The following KCNH8 variants were observed in gnomAD, a reference collection of about 807,000 sequenced individuals.
The protein encoded by KCNH8 is voltage-gated delayed rectifier potassium channel KCNH8.
A neutral mutation model predicts 103.6 loss-of-function variants in KCNH8; 70 were observed. The observed-to-expected ratio is 0.68, with a 90% CI of 0.56 to 0.82. The LOEUF is 0.82. Ranked by LOEUF, KCNH8 falls within the 40% of genes least tolerant of loss-of-function variation. The pLI, the probability that KCNH8 is intolerant of heterozygous loss-of-function variation, is 0.00. For missense variants in KCNH8, 1,217 were observed against 1,329.9 expected, an observed-to-expected ratio of 0.92 and a Z score of 1.32; for synonymous variants, 498 against 489.4, an observed-to-expected ratio of 1.02 and a Z score of -0.23.
At chr3:19,437,282 A>G (rs985135799) in intron 7 of KCNH8, among the ~76,000 whole-genome samples, 1 of 152,134 alleles carries the variant, frequency 6.6e-6, no homozygotes, top group Non-Finnish European at 1.5e-5. Context: ...TAAGGGACAA[A>G]TATTTTCAAT....
intron 1 of KCNH8, among the ~76,000 whole-genome samples, chr3:19,160,437 C>A (rs1163380378): frequency 6.6e-6 from 1 of 152,010 alleles, no homozygotes; most frequent in Non-Finnish European, 1.5e-5. Flanking sequence ...ATGTAACCAC[C>A]ACCACAGTCA....
intron 1 of KCNH8, among the ~76,000 whole-genome samples, chr3:19,207,467 A>T (rs909864358): frequency 1.3e-5 from 2 of 151,974 alleles, no homozygotes; most frequent in Non-Finnish European, 2.9e-5. Flanking sequence ...TCTTTTAAGA[A>T]AATAAAGTGG....
At chr3:19,366,148 T>C (rs1216310825) in intron 5 of KCNH8, among the ~76,000 whole-genome samples, 1 of 152,092 alleles carries the variant, frequency 6.6e-6, no homozygotes. Context: ...TGAAATATTA[T>C]AGGTTGTATG....
intron 1 of KCNH8, among the ~76,000 whole-genome samples, chr3:19,217,150 G>C (rs1239598779): frequency 6.6e-6 from 1 of 152,170 alleles, no homozygotes; most frequent in Non-Finnish European, 1.5e-5. Flanking sequence ...TGGGTACACT[G>C]ATCATCACTG....
chr3:19,422,248 A>G (rs1559320401), intron 7 of KCNH8, among the ~76,000 whole-genome samples: 1 of 152,100 alleles, frequency 6.6e-6, no homozygotes, highest in Admixed American at 6.5e-5. Flanking sequence ...TAACATTTGA[A>G]TTTCCCAACT....
chr3:19,500,363 A>G (rs2125232612), intron 11 of KCNH8, among the ~76,000 whole-genome samples: 1 of 152,306 alleles, frequency 6.6e-6, no homozygotes, highest in East Asian at 1.9e-4. Context: ...CACTGTCAAC[A>G]TTAGACAGAT....
At chr3:19,223,312 A>T (rs559972834) in intron 1 of KCNH8, among the ~76,000 whole-genome samples, 1 of 152,286 alleles carries the variant, frequency 6.6e-6, no homozygotes, top group Non-Finnish European at 1.5e-5. Context: ...TCTCTCCTTT[A>T]TGAAGTAAGT....
intron 1 of KCNH8, among the ~76,000 whole-genome samples, chr3:19,253,180 C>T (rs1266465022): frequency 2.0e-5 from 3 of 152,234 alleles, no homozygotes; most frequent in African/African-American, 4.8e-5. Context: ...CAATTTACTA[C>T]TTGCTTTCTT....
chr3:19,533,609 C>G lies in KCNH8; in HGVS notation c.2834C>G (p.Thr945Ser). 3 of 1,614,162 alleles carry G rather than the reference C, an allele frequency of 1.9e-6. No homozygotes were observed. The highest frequency in any genetic ancestry group is 2.5e-6 in the Non-Finnish European group (3 of 1,180,018). The change falls in exon 16 of 16, where the codon ACC (threonine) becomes AGC (serine). Residue 945 changes from threonine to serine, a missense_variant. By Grantham distance (58) the Thr-to-Ser change is moderately conservative. Around this residue, in one of 3 missense-constraint regions of KCNH8, gnomAD observed 558 missense variants for 495.8 expected, o/e 1.13. Transcript: ENST00000328405. ...TTGCAAACAGGCGGGGCTGCTTATA[C>G]CCAAGCACAACTTTGTAGCAGTAAT... ...LHLQTGGAAY[T>S]QAQLCSSNIT...
At position 19,535,368 on chromosome 3, in the gene KCNH8, C is replaced by T. The variant is rs2069247126; in HGVS notation, c.*1269C>T. 6.6e-6 allele frequency: 1 copy of T among 152,188 alleles called. No homozygotes were observed. The highest frequency in any genetic ancestry group is 2.4e-5 in the African/African-American group (1 of 41,444). The allele number at this position is 152,188 out of a possible 1,614,324, so 9.4% of individuals were successfully genotyped here. ...TTCCATTCCTATTTTTAATAAATCTCAGGGGAAGCCTCAGAGATTACACAG... is the reference window on the plus strand; with the variant it reads ...TTCCATTCCTATTTTTAATAAATCTTAGGGGAAGCCTCAGAGATTACACAG... On this transcript the variant is annotated 3_prime_UTR_variant, in exon 16 of 16. Transcript: ENST00000328405.
chr3:19,242,886 A>G (rs923080087), intron 1 of KCNH8, among the ~76,000 whole-genome samples: 4 of 152,184 alleles, frequency 2.6e-5, no homozygotes, highest in African/African-American at 9.6e-5. Context: ...TTTGGTGACA[A>G]CAAAAGAAAA....
chr3:19,243,645 G>C (rs1322470801), intron 1 of KCNH8, among the ~76,000 whole-genome samples: 2 of 152,138 alleles, frequency 1.3e-5, no homozygotes, highest in Non-Finnish European at 2.9e-5. Context: ...CACTCTGATG[G>C]ATTGGGCATA....
At chr3:19,184,543 A>G (rs978682243) in intron 1 of KCNH8, among the ~76,000 whole-genome samples, 3 of 152,080 alleles carry the variant, frequency 2.0e-5, no homozygotes, top group East Asian at 3.8e-4. Flanking sequence ...TGACAAAAAT[A>G]CATTCTTTAT....
intron 15 of KCNH8, among the ~76,000 whole-genome samples, chr3:19,526,826 C>A (rs2069073272): frequency 6.6e-6 from 1 of 151,870 alleles, no homozygotes; most frequent in Non-Finnish European, 1.5e-5. Context: ...TACTTAAGTT[C>A]AATTGAAAAT....
At chr3:19,411,258 C>T (rs1045036186) in intron 7 of KCNH8, among the ~76,000 whole-genome samples, 1 of 152,018 alleles carries the variant, frequency 6.6e-6, no homozygotes, top group African/African-American at 2.4e-5. Flanking sequence ...GAATTAAAAG[C>T]AGAAACCATA....
intron 2 of KCNH8, among the ~76,000 whole-genome samples, chr3:19,254,855 A>C (rs1048398805): frequency 1.3e-5 from 2 of 152,166 alleles, no homozygotes; most frequent in South Asian, 4.1e-4. Flanking sequence ...AGGCCAAGAT[A>C]TATGAGAAGG....
chr3:19,289,728 G>T (rs537437924), intron 3 of KCNH8, among the ~76,000 whole-genome samples: 1 of 152,144 alleles, frequency 6.6e-6, no homozygotes, highest in East Asian at 1.9e-4. Flanking sequence ...TGGCAACTCG[G>T]GCTCTTTTTT....
chr3:19,295,245 G>A (rs1400469383), intron 3 of KCNH8, among the ~76,000 whole-genome samples: 2 of 151,980 alleles, frequency 1.3e-5, no homozygotes, highest in South Asian at 2.1e-4. Context: ...TTAGCCTGGT[G>A]TGGCGGTTCA....
intron 11 of KCNH8, among the ~76,000 whole-genome samples, chr3:19,486,126 A>G (rs1392512092): frequency 6.6e-6 from 1 of 152,196 alleles, no homozygotes; most frequent in African/African-American, 2.4e-5. Context: ...TGGGTTGATG[A>G]AGCTGCTCCC....
Sources: gnomAD v4.1 joint callset for allele counts (sites outside exome capture counted in the v4.1 genomes callset) on GRCh38, gnomAD v4.1.1 for gene constraint, gnomAD v4.1.1 regional missense constraint, MANE v1.5 for transcripts, NCBI Gene and HGNC (gene_info 2026-07-23, HGNC 2026-07-21) for gene names.